The following FRMPD2 variants were observed in gnomAD, a reference collection of about 807,000 sequenced individuals.
FRMPD2 encodes FERM and PDZ domain containing 2, also known as FERM and PDZ domain-containing protein 2.
A neutral mutation model predicts 140.1 loss-of-function variants in FRMPD2; 96 were observed. The observed-to-expected ratio is 0.69, with a 90% CI of 0.58 to 0.81. The LOEUF (loss-of-function observed/expected upper bound fraction) is 0.81, where lower values mean the gene tolerates loss of function less well. Among genes scored for constraint, FRMPD2 ranks in the 40% least tolerant of loss-of-function variants. FRMPD2 has a pLI of 0.00. For missense variants in FRMPD2, 1,240 were observed against 1,447.4 expected, an observed-to-expected ratio of 0.86 and a Z score of 2.32; for synonymous variants, 449 against 547.6, an observed-to-expected ratio of 0.82 and a Z score of 2.52.
intron 1 of FRMPD2, among the ~76,000 whole-genome samples, chr10:48,259,815 C>G (rs1435791593): frequency 6.6e-6 from 1 of 152,050 alleles, no homozygotes; most frequent in Non-Finnish European, 1.5e-5. Context: ...TGCATAAGAA[C>G]AGCAGATGAC....
chr10:48,272,363 A>G (rs879423669), intron 1 of FRMPD2, among the ~76,000 whole-genome samples: 6 of 152,234 alleles, frequency 3.9e-5, no homozygotes, highest in Non-Finnish European at 8.8e-5. Flanking sequence ...GCTGGTCATT[A>G]AACACAGCCA....
Position 48,184,597 on chromosome 10 carries a change from GT to G in FRMPD2, c.2552del (p.Asp851AlafsTer3). On this transcript the variant is annotated frameshift_variant, in exon 20 of 29. Coordinates refer to ENST00000374201, the MANE Select transcript of FRMPD2 (RefSeq NM_001018071.4). LOFTEE classifies it high-confidence loss of function. ...ACTGAGAAATAATTAATTCTATGTT[GT>G]CAGGGGAATTCTGGATCATCCTAAC... is the stretch of plus-strand genomic sequence containing the variant. ...MAVRMIQNSP[D>X]NIELIISQSK... 1 of 1,611,896 alleles carries G rather than the reference GT, an allele frequency of 6.2e-7. No individual in the cohort carries two copies. Among genetic ancestry groups the G allele is most frequent in the East Asian group, 2.2e-5 (1 of 44,860 alleles).
At chr10:48,240,557 T>G in intron 5 of FRMPD2, 65 bp from the exon 6 acceptor site, 1 of 1,595,726 alleles carries the variant, frequency 6.3e-7, no homozygotes, top group Non-Finnish European at 8.5e-7. Flanking sequence ...TATAGATACA[T>G]GCAAACTGGC....
At chr10:48,207,045 G>C in intron 13 of FRMPD2, 112 bp from the exon 14 acceptor site, 2 of 921,898 alleles carry the variant, frequency 2.2e-6, no homozygotes, top group Non-Finnish European at 3.1e-6. Flanking sequence ...AAAAGAAAGA[G>C]TAGAATTGTC....
At chr10:48,190,471 C>A (rs184401680) in intron 16 of FRMPD2, among the ~76,000 whole-genome samples, 9 of 152,304 alleles carry the variant, frequency 5.9e-5, no homozygotes, top group Admixed American at 5.2e-4. Flanking sequence ...TCAACAGCTA[C>A]CTGGTGACCC....
intron 1 of FRMPD2, among the ~76,000 whole-genome samples, chr10:48,253,726 A>G (rs1359966754): frequency 6.6e-6 from 1 of 152,198 alleles, no homozygotes; most frequent in African/African-American, 2.4e-5. Context: ...ACTGAAATGA[A>G]AAGACACTAG....
chr10:48,239,712 G>T lies in FRMPD2; in HGVS notation c.701-20C>A. The T allele has an allele frequency of 1.9e-6, 3 of 1,592,626 alleles. No individual in the cohort carries two copies. Among genetic ancestry groups the T allele is most frequent in the Non-Finnish European group, 2.6e-6 (3 of 1,161,032 alleles). ...CTGAAACTAATCAAGCAGCATGGTA[G>T]AGGGTATGGGCAGAAGCCAAGATCA... On this transcript the variant is annotated intron_variant, in intron 6 of 28. Transcript: ENST00000374201.
At chr10:48,227,645 G>C (rs1040518808) in intron 10 of FRMPD2, among the ~76,000 whole-genome samples, 2 of 152,186 alleles carry the variant, frequency 1.3e-5, no homozygotes, top group African/African-American at 4.8e-5. Context: ...AGTCACAATT[G>C]AAGTGGTTAT....
intron 12 of FRMPD2, among the ~76,000 whole-genome samples, chr10:48,220,798 CAAAAG>C (rs906298673): frequency 2.6e-5 from 4 of 152,066 alleles, no homozygotes; most frequent in African/African-American, 9.7e-5. Flanking sequence ...AGACAATTCT[CAAAAG>C]AAGATATACA....
intron 14 of FRMPD2, among the ~76,000 whole-genome samples, chr10:48,202,408 A>C (rs1839107583): frequency 1.3e-5 from 2 of 152,336 alleles, no homozygotes; most frequent in African/African-American, 4.8e-5. Flanking sequence ...AACAAAAGGC[A>C]GATAAATATT....
intron 1 of FRMPD2, among the ~76,000 whole-genome samples, chr10:48,272,497 T>C (rs1009747425): frequency 6.6e-6 from 1 of 152,252 alleles, no homozygotes; most frequent in Non-Finnish European, 1.5e-5. Context: ...CTTATTTAAA[T>C]GAAATACATT....
intron 10 of FRMPD2, among the ~76,000 whole-genome samples, chr10:48,224,939 G>A (rs1420785373): frequency 1.5e-4 from 23 of 152,234 alleles, no homozygotes; most frequent in Admixed American, 1.5e-3. Flanking sequence ...GCATATAACA[G>A]TTGTTCTTAT....
At position 48,206,795 on chromosome 10, in the gene FRMPD2, C is replaced by A. The variant is rs1839210558; in HGVS notation, c.1750G>T (p.Ala584Ser). ...TCTCTCCACTGAAACCGTAACATTG[C>A]AATTCTGCTGTTGTTTTTCACTTCA... ...VYEVKNNSRI[A>S]MLRFQWRETG... Residue 584 changes from alanine (A) to serine (S), a missense_variant, in exon 14 of 29, where the codon GCA (alanine) becomes TCA (serine). Coordinates refer to ENST00000374201, the MANE Select transcript of FRMPD2 (RefSeq NM_001018071.4). 6.2e-7 allele frequency: 1 copy of A among 1,614,070 alleles called. No individual in the cohort carries two copies. The highest frequency in any genetic ancestry group is 1.3e-5 in the African/African-American group (1 of 75,038).
chr10:48,200,189 T>TAAAA (rs1282575889), intron 15 of FRMPD2, among the ~76,000 whole-genome samples: 1,556 of 137,678 alleles, frequency 0.011, 26 homozygotes, highest in Non-Finnish European at 0.016. Context: ...AATAAATAAA[T>TAAAA]AAATAAATAA....
At chr10:48,248,993 G>A in intron 3 of FRMPD2, 28 bp downstream of exon 3, 1 of 1,576,528 alleles carries the variant, frequency 6.3e-7, no homozygotes. Context: ...ACAGGACTCA[G>A]AAGTTGCAGA....
At chr10:48,162,173 A>G (rs1837959706) in intron 28 of FRMPD2, among the ~76,000 whole-genome samples, 1 of 144,182 alleles carries the variant, frequency 6.9e-6, no homozygotes, top group Non-Finnish European at 1.5e-5. Context: ...AAAGAACTAT[A>G]AATACACTTA....
At chr10:48,220,884 A>G (rs1839570129) in intron 12 of FRMPD2, among the ~76,000 whole-genome samples, 1 of 152,206 alleles carries the variant, frequency 6.6e-6, no homozygotes, top group African/African-American at 2.4e-5. Context: ...CAAAACCACA[A>G]TGTGGTACCA....
chr10:48,175,647 C>A (rs1222044754), intron 23 of FRMPD2, among the ~76,000 whole-genome samples, 199 bp downstream of exon 23: 2 of 151,946 alleles, frequency 1.3e-5, no homozygotes, highest in African/African-American at 4.8e-5. Flanking sequence ...CCACTGCAGA[C>A]CCCCCAACCT....
chr10:48,187,527 G>A (rs779452335), intron 16 of FRMPD2, among the ~76,000 whole-genome samples: 2 of 152,178 alleles, frequency 1.3e-5, no homozygotes, highest in African/African-American at 2.4e-5. Flanking sequence ...ATGTCTCAGA[G>A]GGGACACTGA....
Sources: gnomAD v4.1 joint callset for allele counts (sites outside exome capture counted in the v4.1 genomes callset) on GRCh38, gnomAD v4.1.1 for gene constraint, MANE v1.5 for transcripts, NCBI Gene and HGNC (gene_info 2026-07-23, HGNC 2026-07-21) for gene names.